TMEM132D: variants seen among roughly 807,000 people sequenced by gnomAD.
The protein encoded by TMEM132D is transmembrane protein 132D.
A neutral mutation model predicts 62.3 loss-of-function variants in TMEM132D; 21 were observed. The observed-to-expected ratio is 0.34, with a 90% CI of 0.24 to 0.49. The LOEUF is 0.49. Among genes scored for constraint, TMEM132D ranks in the 20% least tolerant of loss-of-function variants. TMEM132D has a pLI of 0.99. For synonymous variants in TMEM132D, 621 were observed against 575.6 expected (o/e 1.08, Z -1.13); for missense variants, 1,346 against 1,402.8 (o/e 0.96, Z 0.65).
chr12:129,241,928 TA>T (rs1305664159), intron 4 of TMEM132D, among the ~76,000 whole-genome samples: 3 of 152,168 alleles, frequency 2.0e-5, no homozygotes, highest in African/African-American at 7.2e-5. Context: ...AGACAAAATG[TA>T]TTTAAACAAC....
chr12:129,173,158 G>A (rs1266353472), intron 5 of TMEM132D, among the ~76,000 whole-genome samples: 2 of 152,214 alleles, frequency 1.3e-5, no homozygotes, highest in African/African-American at 4.8e-5. Flanking sequence ...GGCACAAGCT[G>A]TTCGAAAAAT....
intron 3 of TMEM132D, among the ~76,000 whole-genome samples, chr12:129,393,902 C>T (rs529451457): frequency 6.6e-6 from 1 of 152,158 alleles, no homozygotes; most frequent in African/African-American, 2.4e-5. Context: ...AACATCCCCC[C>T]AGAAACTCCG....
At chr12:129,572,692 G>C (rs1016147325) in intron 2 of TMEM132D, among the ~76,000 whole-genome samples, 1 of 151,994 alleles carries the variant, frequency 6.6e-6, no homozygotes, top group Non-Finnish European at 1.5e-5. Context: ...CAGATGATCT[G>C]CCCGCCTCGG....
chr12:129,172,737 C>T lies in TMEM132D; in HGVS notation c.1443+36783G>A, dbSNP rs148362082. ...GGGATTACAGGCATGCACCACCACACCCAGCTAATTTTGTATTTTTAGTAG... is the reference window on the plus strand; with the variant it reads ...GGGATTACAGGCATGCACCACCACATCCAGCTAATTTTGTATTTTTAGTAG... On this transcript the variant is annotated intron_variant, in intron 5 of 8. Coordinates refer to ENST00000422113, the MANE Select transcript of TMEM132D (RefSeq NM_133448.3). Among the ~76,000 whole-genome samples, 470 of 152,284 alleles carry T rather than the reference C, an allele frequency of 3.1e-3. 2 individuals carry two copies. Among genetic ancestry groups the T allele is most frequent in the African/African-American group, 0.011 (457 of 41,548 alleles).
intron 6 of TMEM132D, 135 bp downstream of exon 6, chr12:129,084,362 C>T: frequency 1.2e-6 from 1 of 868,226 alleles, no homozygotes; most frequent in Admixed American, 3.3e-5. Context: ...CAACACAGAG[C>T]AAATCCAAGC....
At chr12:129,594,681 C>T (rs556490816) in intron 2 of TMEM132D, among the ~76,000 whole-genome samples, 4 of 152,334 alleles carry the variant, frequency 2.6e-5, no homozygotes, top group East Asian at 3.9e-4. Flanking sequence ...AGTTCTCTCT[C>T]AGTACTGGGC....
At chr12:129,709,463 TAAA>T (rs1014277882) in intron 1 of TMEM132D, among the ~76,000 whole-genome samples, 6 of 152,212 alleles carry the variant, frequency 3.9e-5, no homozygotes, top group Admixed American at 3.3e-4. Context: ...TATGAGACTG[TAAA>T]AAACTCTGTT....
At chr12:129,475,587 G>C (rs925085467) in intron 3 of TMEM132D, among the ~76,000 whole-genome samples, 1 of 152,204 alleles carries the variant, frequency 6.6e-6, no homozygotes, top group Non-Finnish European at 1.5e-5. Flanking sequence ...CAAATATTTT[G>C]TTTTGCCTTC....
At chr12:129,159,951 G>A (rs7299960) in intron 5 of TMEM132D, among the ~76,000 whole-genome samples, 92,824 of 151,704 alleles carry the variant, frequency 0.61, 28,874 homozygotes, top group Non-Finnish European at 0.67. Context: ...TCATCTCTCC[G>A]TGAAGTAAGA....
chr12:129,715,366 AG>A (rs1391470746), intron 1 of TMEM132D, among the ~76,000 whole-genome samples: 1 of 152,196 alleles, frequency 6.6e-6, no homozygotes, highest in African/African-American at 2.4e-5. Context: ...AAAAGGTCAG[AG>A]GTGCCTTATC....
At chr12:129,743,940 G>A (rs905391948) in intron 1 of TMEM132D, among the ~76,000 whole-genome samples, 4 of 152,136 alleles carry the variant, frequency 2.6e-5, no homozygotes, top group Admixed American at 6.5e-5. Flanking sequence ...TCAGTGAGAT[G>A]TCAGAGACAA....
At chr12:129,646,581 C>T (rs773409858) in intron 2 of TMEM132D, among the ~76,000 whole-genome samples, 1 of 152,088 alleles carries the variant, frequency 6.6e-6, no homozygotes, top group Non-Finnish European at 1.5e-5. Flanking sequence ...GATAAATACT[C>T]CTCCCAAATA....
intron 2 of TMEM132D, among the ~76,000 whole-genome samples, chr12:129,685,479 G>A (rs1489602344): frequency 6.6e-6 from 1 of 152,212 alleles, no homozygotes; most frequent in East Asian, 1.9e-4. Flanking sequence ...TGAGGTTTGG[G>A]AACCTCTGCC....
chr12:129,467,915 A>T (rs1053153868), intron 3 of TMEM132D, among the ~76,000 whole-genome samples: 1 of 152,172 alleles, frequency 6.6e-6, no homozygotes, highest in African/African-American at 2.4e-5. Context: ...GGATTAATCA[A>T]GCAGCTGTGT....
chr12:129,607,674 G>A (rs1432043732), intron 2 of TMEM132D, among the ~76,000 whole-genome samples: 1 of 152,186 alleles, frequency 6.6e-6, no homozygotes, highest in Non-Finnish European at 1.5e-5. Flanking sequence ...CACACTGAGT[G>A]TTCATTCAAT....
chr12:129,597,862 G>A (rs1008729162), intron 2 of TMEM132D, among the ~76,000 whole-genome samples: 1 of 152,134 alleles, frequency 6.6e-6, no homozygotes, highest in Non-Finnish European at 1.5e-5. Context: ...AGTTCAGACT[G>A]GGTCCTATAT....
At chr12:129,665,205 G>T (rs1164644855) in intron 2 of TMEM132D, among the ~76,000 whole-genome samples, 1 of 151,958 alleles carries the variant, frequency 6.6e-6, no homozygotes, top group Admixed American at 6.6e-5. Flanking sequence ...GGTGGGGGGG[G>T]CATCTTGGGG....
At chr12:129,090,719 T>A (rs545019169) in intron 5 of TMEM132D, among the ~76,000 whole-genome samples, 1 of 152,226 alleles carries the variant, frequency 6.6e-6, no homozygotes, top group East Asian at 1.9e-4. Flanking sequence ...TAGAGAAAAT[T>A]GAGCCAACAT....
At chr12:129,657,070 T>C (rs748160247) in intron 2 of TMEM132D, among the ~76,000 whole-genome samples, 41 of 152,222 alleles carry the variant, frequency 2.7e-4, no homozygotes, top group Non-Finnish European at 4.6e-4. Flanking sequence ...CTCTTTGATG[T>C]TGCCAGTTTG....
Sources: gnomAD v4.1 joint callset for allele counts (sites outside exome capture counted in the v4.1 genomes callset) on GRCh38, gnomAD v4.1.1 for gene constraint, MANE v1.5 for transcripts, NCBI Gene and HGNC (gene_info 2026-07-23, HGNC 2026-07-21) for gene names.